The following PTP4A2 variants were observed in gnomAD, a reference collection of about 807,000 sequenced individuals.
PTP4A2 encodes the protein protein tyrosine phosphatase 4A2, also known as protein tyrosine phosphatase type IVA 2.
PTP4A2 carries 2 observed loss-of-function variants against 22.9 expected under a neutral mutation model. The observed-to-expected ratio is 0.09, with a 90% CI of 0.04 to 0.27. The LOEUF (loss-of-function observed/expected upper bound fraction) is 0.27. PTP4A2 is among the 10% of genes least tolerant of loss of function. The pLI is 1.00. For missense variants in PTP4A2, 103 were observed against 205.1 expected (o/e 0.50, Z 3.04); for synonymous variants, 68 against 69.1 (o/e 0.98, Z 0.08).
In PTP4A2 at chr1:31,908,138, TATTATA is replaced by T. The variant is rs1651299280; in HGVS notation, c.*708_*713del. ...AATATATATATATATATATATATTATATTATATATATATATATATATATATATATAT... is the reference window on the plus strand; with the variant it reads ...AATATATATATATATATATATATTATTATATATATATATATATATATATAT... On this transcript the variant is annotated 3_prime_UTR_variant, in exon 6 of 6. Coordinates refer to ENST00000647444, the MANE Select transcript of PTP4A2 (RefSeq NM_080391.4). 1 of 420 alleles carries T rather than the reference TATTATA, an allele frequency of 2.4e-3. No individual in the cohort carries two copies. The highest frequency in any genetic ancestry group is 5.3e-3 in the Non-Finnish European group (1 of 188). 0.0% of individuals were successfully genotyped at this position (420 alleles called of 1,614,324 possible).
intron 2 of PTP4A2, 114 bp from the exon 3 acceptor site, chr1:31,916,101 T>C: frequency 3.2e-6 from 2 of 628,352 alleles, no homozygotes; most frequent in South Asian, 4.7e-5. Context: ...ATCCCAGCAC[T>C]TTGGGAGGCC....
chr1:31,931,736 A>G (rs1385823180), intron 1 of PTP4A2, among the ~76,000 whole-genome samples: 2 of 152,250 alleles, frequency 1.3e-5, no homozygotes, highest in Non-Finnish European at 2.9e-5. Context: ...ACTAATCACC[A>G]AAGGAAACTT....
At position 31,938,061 on chromosome 1, in the gene PTP4A2, TCGGCGGCGG is replaced by T. The variant is rs959113845; in HGVS notation, c.-677_-669del. On this transcript the variant is annotated 5_prime_UTR_variant, in exon 1 of 6. Transcript: ENST00000647444. This position sits in a 1 kb window ranked among gnomAD's most constrained non-coding sequence, Gnocchi z 4.4. ...GGAGGCGCCTCTCTCCTCAGTCACC[TCGGCGGCGG>T]CGGCGGCGGCGGTAGCGGTGGCGGC... is the stretch of plus-strand genomic sequence containing the variant. The T allele has an allele frequency of 1.0e-4, 15 of 148,046 alleles. No individual in the cohort carries two copies. Among genetic ancestry groups the T allele is most frequent in the Non-Finnish European group, 2.0e-4 (14 of 70,098 alleles). The allele number at this position is 148,046 out of a possible 1,614,324, so 9.2% of individuals were successfully genotyped here. A position where few individuals can be genotyped will look rare whatever the true frequency, so the allele number is the denominator to read the frequency against.
At chr1:31,937,458 T>TCA (rs1652988571) in intron 1 of PTP4A2, among the ~76,000 whole-genome samples, 1 of 151,466 alleles carries the variant, frequency 6.6e-6, no homozygotes, top group Admixed American at 6.6e-5. Flanking sequence ...GGATGCCTGC[T>TCA]CACACACTGG....
At chr1:31,936,920 CA>C (rs1197339923) in intron 1 of PTP4A2, among the ~76,000 whole-genome samples, 1 of 152,184 alleles carries the variant, frequency 6.6e-6, no homozygotes, top group Admixed American at 6.5e-5. Context: ...GACAGACAAA[CA>C]TTTGCTGAAT....
At chr1:31,917,862 T>C (rs1468266145) in intron 2 of PTP4A2, among the ~76,000 whole-genome samples, 1 of 148,616 alleles carries the variant, frequency 6.7e-6, no homozygotes, top group Non-Finnish European at 1.5e-5. Context: ...TAGTCCCAGC[T>C]ACTTGGGAGC....
intron 3 of PTP4A2, chr1:31,912,880 C>A: frequency 2.9e-6 from 1 of 349,634 alleles, no homozygotes; most frequent in South Asian, 2.3e-5. Flanking sequence ...TTAGCCAAAA[C>A]AGTACATGAT....
chr1:31,913,574 CT>C (rs925191648), intron 3 of PTP4A2, among the ~76,000 whole-genome samples: 32 of 151,812 alleles, frequency 2.1e-4, no homozygotes, highest in African/African-American at 7.5e-4. Flanking sequence ...CTGACAACAT[CT>C]ATTTTTTTTT....
In PTP4A2 at chr1:31,916,362, A is replaced by G. The variant is rs1411463578; in HGVS notation, c.97-375T>C. On this transcript the variant is annotated intron_variant, in intron 2 of 5. Coordinates refer to ENST00000647444, the MANE Select transcript of PTP4A2 (RefSeq NM_080391.4). ...TCCGTCTCCAAAAAAAAAAAAAAAA[A>G]AAAAAAAAAAGAAATCTACTATTAT... 6.6e-5 allele frequency among the ~76,000 whole-genome samples: 10 copies of G among 150,476 alleles called. No homozygotes were observed. The East Asian group carries it at 1.9e-3, about 29-fold the overall frequency.
Position 31,932,168 on chromosome 1 carries a change from TATAAA to T in PTP4A2, c.-594+5814_-594+5818del, listed in dbSNP as rs551396780. 7.9e-5 allele frequency among the ~76,000 whole-genome samples: 12 copies of T among 152,316 alleles called. No individual in the cohort carries two copies. In the South Asian group the frequency reaches 2.5e-3, roughly 32 times the overall value. On this transcript the variant is annotated intron_variant, in intron 1 of 5. Transcript: ENST00000647444. Reference sequence around the variant, plus strand: ...TATCTGGCCACTGCAGAAATAAAAATATAAAGTAATTTATCTGATCTGCTAAAACA... The same window carrying T: ...TATCTGGCCACTGCAGAAATAAAAATGTAATTTATCTGATCTGCTAAAACA...
intron 2 of PTP4A2, among the ~76,000 whole-genome samples, chr1:31,916,502 A>G (rs1162741809): frequency 6.6e-6 from 1 of 152,178 alleles, no homozygotes; most frequent in Non-Finnish European, 1.5e-5. Context: ...TCACCTTTCT[A>G]AAGGGCAGTT....
intron 1 of PTP4A2, among the ~76,000 whole-genome samples, chr1:31,925,404 G>A (rs1176467680): frequency 6.6e-6 from 1 of 152,130 alleles, no homozygotes; most frequent in African/African-American, 2.4e-5. Flanking sequence ...TGTTAAAGAG[G>A]CTAAATGAGT....
chr1:31,923,679 C>T (rs1038223786), intron 1 of PTP4A2, among the ~76,000 whole-genome samples: 16 of 152,000 alleles, frequency 1.1e-4, no homozygotes, highest in Non-Finnish European at 1.9e-4. Context: ...CATGCCACTG[C>T]GCCCAGCTAA....
intron 1 of PTP4A2, among the ~76,000 whole-genome samples, chr1:31,932,173 A>G (rs998407499): frequency 6.6e-6 from 1 of 152,218 alleles, no homozygotes; most frequent in African/African-American, 2.4e-5. Flanking sequence ...AAAAATATAA[A>G]GTAATTTATC....
Position 31,907,031 on chromosome 1 carries a change from T to C in PTP4A2, c.*1821A>G, listed in dbSNP as rs1387475052. On this transcript the variant is annotated 3_prime_UTR_variant, in exon 6 of 6. Transcript: ENST00000647444. ...CATTATTTTGTTTTGTTTTCTGGGATGGGAGAGGAGAGAATCTACAGATTT... is the reference window on the plus strand; with the variant it reads ...CATTATTTTGTTTTGTTTTCTGGGACGGGAGAGGAGAGAATCTACAGATTT... 6.6e-6 allele frequency: 1 copy of C among 152,184 alleles called. No homozygotes were observed. Among genetic ancestry groups the C allele is most frequent in the Non-Finnish European group, 1.5e-5 (1 of 68,032 alleles). The allele number at this position is 152,184 out of a possible 1,614,324, so 9.4% of individuals were successfully genotyped here.
chr1:31,930,874 G>A (rs1652697651), intron 1 of PTP4A2: 1 of 152,112 alleles, frequency 6.6e-6, no homozygotes, highest in African/African-American at 2.4e-5. Context: ...ATATTAACGT[G>A]AAATAAAAAT....
rs1190150816 is a variant in PTP4A2, at chr1:31,908,183, T to C, written c.*669A>G. 2 of 38,166 alleles carry C rather than the reference T, an allele frequency of 5.2e-5. 1 individual carries two copies. Among genetic ancestry groups the C allele is most frequent in the African/African-American group, 1.9e-4 (2 of 10,716 alleles). 2.4% of individuals were successfully genotyped at this position (38,166 alleles called of 1,614,324 possible). On this transcript the variant is annotated 3_prime_UTR_variant, in exon 6 of 6. Transcript: ENST00000647444. ...ATATATATATATATATATATATATATATATATATATATATATATATATATC... is the reference window on the plus strand; with the variant it reads ...ATATATATATATATATATATATATACATATATATATATATATATATATATC...
At chr1:31,910,138 T>C in intron 4 of PTP4A2, 26 bp from the exon 5 acceptor site, 1 of 1,574,434 alleles carries the variant, frequency 6.4e-7, no homozygotes, top group South Asian at 1.1e-5. Context: ...TGTATGTAAG[T>C]ATCCATAAGT....
chr1:31,915,592 TGTG>T (rs1315228915), intron 3 of PTP4A2: 1 of 199,162 alleles, frequency 5.0e-6, no homozygotes, highest in Non-Finnish European at 9.9e-6. Context: ...CAGGCTGGAA[TGTG>T]GTGGTGTGGC....
Sources: gnomAD v4.1 joint callset for allele counts (sites outside exome capture counted in the v4.1 genomes callset) on GRCh38, gnomAD v4.1.1 for gene constraint, Gnocchi (gnomAD v3.1) non-coding constraint, MANE v1.5 for transcripts, NCBI Gene and HGNC (gene_info 2026-07-23, HGNC 2026-07-21) for gene names.